ROR1: variants seen among roughly 807,000 people sequenced by gnomAD.
ROR1 encodes the protein inactive tyrosine-protein kinase transmembrane receptor ROR1.
Under a neutral mutation model 78.8 loss-of-function variants are expected in ROR1, and 19 were observed. That is an observed-to-expected ratio of 0.24 (90% CI 0.17 to 0.35). ROR1 has a LOEUF of 0.35. ROR1 is among the 10% of genes least tolerant of loss of function. The pLI is 1.00. For synonymous variants in ROR1, 386 were observed against 433.6 expected, an observed-to-expected ratio of 0.89 and a Z score of 1.36; for missense variants, 917 against 1,177.8, an observed-to-expected ratio of 0.78 and a Z score of 3.24.
At chr1:64,048,076 T>G (rs1646798286) in intron 2 of ROR1, among the ~76,000 whole-genome samples, 1 of 152,234 alleles carries the variant, frequency 6.6e-6, no homozygotes, top group Non-Finnish European at 1.5e-5. Flanking sequence ...TCAATTATTT[T>G]TAGCATTTAT....
chr1:63,928,892 T>C (rs974164424), intron 1 of ROR1, among the ~76,000 whole-genome samples: 6 of 152,186 alleles, frequency 3.9e-5, no homozygotes, highest in Non-Finnish European at 7.3e-5. Flanking sequence ...CTCTTTACCT[T>C]ATCCTAACAA....
chr1:63,839,736 A>T (rs747916828), intron 1 of ROR1, among the ~76,000 whole-genome samples: 5 of 152,110 alleles, frequency 3.3e-5, no homozygotes, highest in Non-Finnish European at 7.4e-5. Context: ...GTTATTTTGT[A>T]GCAAGCTTTT....
At chr1:63,885,928 C>T (rs1645353784) in intron 1 of ROR1, among the ~76,000 whole-genome samples, 1 of 152,146 alleles carries the variant, frequency 6.6e-6, no homozygotes, top group African/African-American at 2.4e-5. Context: ...ATTATTATTA[C>T]ATTGTAGTAA....
At chr1:64,107,973 CAT>C in intron 4 of ROR1, among the ~76,000 whole-genome samples, 1 of 152,018 alleles carries the variant, frequency 6.6e-6, no homozygotes, top group African/African-American at 2.4e-5. Flanking sequence ...GAATAAATGA[CAT>C]GTTTAATTAT....
At chr1:64,030,395 G>C (rs1646650844) in intron 2 of ROR1, among the ~76,000 whole-genome samples, 1 of 152,144 alleles carries the variant, frequency 6.6e-6, no homozygotes, top group Non-Finnish European at 1.5e-5. Context: ...AAAGGTGAAG[G>C]AAACTAACAC....
chr1:63,892,219 G>A (rs550451347), intron 1 of ROR1, among the ~76,000 whole-genome samples: 1 of 152,284 alleles, frequency 6.6e-6, no homozygotes, highest in Admixed American at 6.5e-5. Context: ...TAGGGGAAAA[G>A]GTACAAGGAA....
intron 1 of ROR1, among the ~76,000 whole-genome samples, chr1:63,840,346 C>A (rs1264109999): frequency 6.8e-6 from 1 of 148,086 alleles, no homozygotes; most frequent in African/African-American, 2.5e-5. Flanking sequence ...ATGGTGCGAT[C>A]TCGGCTCACT....
At chr1:63,961,060 T>C (rs1646023198) in intron 1 of ROR1, among the ~76,000 whole-genome samples, 1 of 152,200 alleles carries the variant, frequency 6.6e-6, no homozygotes, top group Admixed American at 6.5e-5. Context: ...TTTCCTTTCT[T>C]TTTTCTTTCT....
chr1:64,049,920 C>G lies in ROR1; in HGVS notation c.393C>G (p.Cys131Trp). The G allele has an allele frequency of 6.2e-7, 1 of 1,614,172 alleles. No individual in the cohort carries two copies. Among genetic ancestry groups the G allele is most frequent in the Non-Finnish European group, 8.5e-7 (1 of 1,180,038 alleles). Residue 131 changes from cysteine to tryptophan, a missense_variant, in exon 3 of 9, where the codon TGC (cysteine) becomes TGG (tryptophan). Around this residue, in one of 3 missense-constraint regions of ROR1, gnomAD observed 835 missense variants for 1,069.8 expected, o/e 0.78. Transcript: ENST00000371079. ...LDTTDTGYFQ[C>W]VATNGKEVVS... is the part of the protein sequence containing the mutation. Reference sequence around the variant, plus strand: ...CCACAGACACAGGCTACTTCCAGTGCGTGGCAACAAACGGCAAGGAGGTGG... The same window carrying G: ...CCACAGACACAGGCTACTTCCAGTGGGTGGCAACAAACGGCAAGGAGGTGG...
intron 7 of ROR1, among the ~76,000 whole-genome samples, chr1:64,144,613 A>G (rs1205542578): frequency 1.3e-5 from 2 of 152,162 alleles, no homozygotes; most frequent in African/African-American, 2.4e-5. Flanking sequence ...AGCTTCTATC[A>G]TCCTCATGTT....
intron 1 of ROR1, among the ~76,000 whole-genome samples, chr1:63,835,201 C>CTT (rs1224181766): frequency 6.6e-6 from 1 of 152,182 alleles, no homozygotes; most frequent in Admixed American, 6.5e-5. Flanking sequence ...GGGCAAGTGA[C>CTT]TTAATCTCTC....
chr1:63,855,734 C>T (rs1013086461), intron 1 of ROR1, among the ~76,000 whole-genome samples: 10 of 151,400 alleles, frequency 6.6e-5, no homozygotes, highest in East Asian at 1.9e-4. Context: ...CTGCAACCTC[C>T]GCCTCCCTGG....
chr1:64,135,436 G>A (rs575358677), intron 4 of ROR1, among the ~76,000 whole-genome samples: 4 of 151,890 alleles, frequency 2.6e-5, no homozygotes, highest in Admixed American at 6.6e-5. Context: ...AGAAAGAAGT[G>A]TTCTCATAAT....
chr1:63,932,381 C>G (rs887231862), intron 1 of ROR1, among the ~76,000 whole-genome samples: 12 of 152,116 alleles, frequency 7.9e-5, no homozygotes, highest in African/African-American at 2.9e-4. Context: ...GGAAAAAAGG[C>G]AGCACTCAGG....
chr1:64,157,894 A>T (rs149336894), intron 7 of ROR1, among the ~76,000 whole-genome samples: 4 of 152,308 alleles, frequency 2.6e-5, no homozygotes, highest in Non-Finnish European at 5.9e-5. Flanking sequence ...GAATGAATGC[A>T]TGGTTAATTC....
At chr1:63,829,131 A>G (rs965285445) in intron 1 of ROR1, among the ~76,000 whole-genome samples, 2 of 152,176 alleles carry the variant, frequency 1.3e-5, no homozygotes, top group African/African-American at 4.8e-5. Context: ...ATTTACTTGG[A>G]TGTTCCGCCA....
At chr1:63,852,670 A>G (rs1292995647) in intron 1 of ROR1, among the ~76,000 whole-genome samples, 6 of 152,222 alleles carry the variant, frequency 3.9e-5, no homozygotes, top group Non-Finnish European at 7.3e-5. Flanking sequence ...TTGAGTATTG[A>G]TGGAAGGAAA....
intron 1 of ROR1, among the ~76,000 whole-genome samples, chr1:63,908,669 C>G (rs1380163819): frequency 6.6e-6 from 1 of 152,196 alleles, no homozygotes; most frequent in Non-Finnish European, 1.5e-5. Flanking sequence ...GATTTTGCAT[C>G]TCCCCTGATA....
chr1:63,794,693 T>C (rs529856409), intron 1 of ROR1, among the ~76,000 whole-genome samples: 1 of 152,304 alleles, frequency 6.6e-6, no homozygotes, highest in Admixed American at 6.5e-5. Flanking sequence ...GACTGCCCCT[T>C]CCAGCCCTAA....
Sources: allele counts gnomAD v4.1 joint callset (sites outside exome capture counted in the v4.1 genomes callset), GRCh38; gene constraint gnomAD v4.1.1; regional missense constraint gnomAD v4.1.1; transcripts MANE v1.5; gene names NCBI Gene and HGNC (gene_info 2026-07-23, HGNC 2026-07-21).